DOK5: variants seen among roughly 807,000 people sequenced by gnomAD.
DOK5 encodes the protein docking protein 5, also known as downstream of tyrosine kinase 5.
A neutral mutation model predicts 43.3 loss-of-function variants in DOK5; 27 were observed. The observed-to-expected ratio is 0.62, with a 90% CI of 0.46 to 0.86. DOK5 has a LOEUF of 0.86. DOK5 is among the 40% of genes least tolerant of loss of function. DOK5 has a pLI of 0.00. For synonymous variants in DOK5, 146 were observed against 140.1 expected, an observed-to-expected ratio of 1.04 and a Z score of -0.30; for missense variants, 373 against 392.9, an observed-to-expected ratio of 0.95 and a Z score of 0.43.
At chr20:54,517,504 G>A (rs2146693219) in intron 1 of DOK5, among the ~76,000 whole-genome samples, 1 of 152,218 alleles carries the variant, frequency 6.6e-6, no homozygotes, top group East Asian at 1.9e-4. Flanking sequence ...GTGGCTTTGG[G>A]TGATTTGTTT....
At chr20:54,589,245 A>G (rs1297814478) in intron 4 of DOK5, among the ~76,000 whole-genome samples, 1 of 152,190 alleles carries the variant, frequency 6.6e-6, no homozygotes, top group African/African-American at 2.4e-5. Flanking sequence ...CGTTGGACCT[A>G]TATTACAGTT....
intron 2 of DOK5, among the ~76,000 whole-genome samples, chr20:54,583,414 C>T (rs1985699685): frequency 6.6e-6 from 1 of 152,120 alleles, no homozygotes; most frequent in African/African-American, 2.4e-5. Flanking sequence ...CAGTGTTGTT[C>T]AAGCACTCTG....
In DOK5 at chr20:54,571,233, T is replaced by G. The variant is rs553423726; in HGVS notation, c.174+16193T>G. On this transcript the variant is annotated intron_variant, in intron 2 of 7. Coordinates refer to ENST00000262593, the MANE Select transcript of DOK5 (RefSeq NM_018431.5). ...CTCCCTGCTTTTTTATTCCTCTTTA[T>G]TCTTACCTAGGTGAAAGTCCTAATT... Among the ~76,000 whole-genome samples, 7 of 152,364 alleles carry G rather than the reference T, an allele frequency of 4.6e-5. No individual in the cohort carries two copies. In the East Asian group the frequency reaches 9.6e-4, roughly 21 times the overall value.
chr20:54,553,957 AT>A (rs1450795927), intron 1 of DOK5, among the ~76,000 whole-genome samples: 1 of 149,418 alleles, frequency 6.7e-6, no homozygotes, highest in Non-Finnish European at 1.5e-5. Flanking sequence ...GTCTCATTTT[AT>A]TTTGCTTTTG....
At chr20:54,649,158 A>G (rs1266592255) in intron 7 of DOK5, among the ~76,000 whole-genome samples, 1 of 152,192 alleles carries the variant, frequency 6.6e-6, no homozygotes, top group Non-Finnish European at 1.5e-5. Flanking sequence ...GAGTGGGACT[A>G]TGGTCTCCAT....
intron 4 of DOK5, among the ~76,000 whole-genome samples, chr20:54,589,587 G>A (rs1030464110): frequency 6.6e-6 from 1 of 152,122 alleles, no homozygotes; most frequent in Non-Finnish European, 1.5e-5. Flanking sequence ...GCCTGGGGAC[G>A]GGGTAGATCA....
intron 5 of DOK5, among the ~76,000 whole-genome samples, chr20:54,604,922 C>A (rs113923922): frequency 0.051 from 7,781 of 151,604 alleles, 266 homozygotes; most frequent in Middle Eastern, 0.092. Flanking sequence ...ATTGCTTGAA[C>A]CTGGAAGGTG....
At chr20:54,562,552 G>A (rs912793564) in intron 2 of DOK5, among the ~76,000 whole-genome samples, 3 of 152,058 alleles carry the variant, frequency 2.0e-5, no homozygotes, top group Non-Finnish European at 4.4e-5. Flanking sequence ...CTGAGTTGCT[G>A]GAACTACAGG....
chr20:54,600,683 G>C (rs1323366369), intron 5 of DOK5, among the ~76,000 whole-genome samples: 4 of 152,064 alleles, frequency 2.6e-5, no homozygotes, highest in Non-Finnish European at 5.9e-5. Flanking sequence ...GATTTTACTG[G>C]GCTCCAGTAT....
intron 6 of DOK5, among the ~76,000 whole-genome samples, chr20:54,642,968 C>G (rs565621141): frequency 1.3e-5 from 2 of 152,280 alleles, no homozygotes; most frequent in Non-Finnish European, 1.5e-5. Flanking sequence ...AACAACTCCA[C>G]GAGAAATCAT....
At chr20:54,647,678 ACAGCAC>A (rs1200050763) in intron 7 of DOK5, among the ~76,000 whole-genome samples, 1 of 115,458 alleles carries the variant, frequency 8.7e-6, no homozygotes, top group African/African-American at 3.5e-5. Context: ...ACTCTGGTAG[ACAGCAC>A]CTTTCCCCTA....
intron 6 of DOK5, among the ~76,000 whole-genome samples, chr20:54,637,002 C>T (rs1354742340): frequency 2.6e-5 from 4 of 152,200 alleles, no homozygotes; most frequent in Non-Finnish European, 5.9e-5. Context: ...CATGTTGTAG[C>T]ACATATCAGA....
chr20:54,552,251 T>A (rs563321332), intron 1 of DOK5, among the ~76,000 whole-genome samples: 36 of 152,208 alleles, frequency 2.4e-4, no homozygotes, highest in Admixed American at 1.4e-3. Context: ...ATTTTTAGTA[T>A]AGTGGAGATC....
intron 1 of DOK5, among the ~76,000 whole-genome samples, chr20:54,531,272 G>A (rs763362083): frequency 3.3e-5 from 5 of 152,118 alleles, no homozygotes; most frequent in African/African-American, 4.8e-5. Flanking sequence ...TCTCACTCAG[G>A]TGAATCTTGA....
intron 6 of DOK5, among the ~76,000 whole-genome samples, chr20:54,632,304 T>C (rs931182698): frequency 6.6e-6 from 1 of 152,244 alleles, no homozygotes; most frequent in African/African-American, 2.4e-5. Flanking sequence ...CTTTTTGTCG[T>C]TGTTGCCTAA....
At chr20:54,496,590 A>G (rs1338048011) in intron 1 of DOK5, among the ~76,000 whole-genome samples, 6 of 151,862 alleles carry the variant, frequency 4.0e-5, no homozygotes, top group African/African-American at 1.5e-4. Context: ...ACACGGTGAA[A>G]CCCCGTCTCT....
chr20:54,537,057 C>T (rs1008193257), intron 1 of DOK5, among the ~76,000 whole-genome samples: 5 of 152,312 alleles, frequency 3.3e-5, no homozygotes, highest in Non-Finnish European at 7.3e-5. Flanking sequence ...TACTGCAGAA[C>T]CAGTGGAGGC....
intron 6 of DOK5, among the ~76,000 whole-genome samples, chr20:54,619,858 T>C (rs1422171670): frequency 6.6e-6 from 1 of 152,232 alleles, no homozygotes; most frequent in Non-Finnish European, 1.5e-5. Flanking sequence ...ATAGAAGGCA[T>C]CAAAGAAATC....
intron 1 of DOK5, among the ~76,000 whole-genome samples, chr20:54,517,646 G>A (rs1600675442): frequency 6.6e-6 from 1 of 152,184 alleles, no homozygotes; most frequent in African/African-American, 2.4e-5. Context: ...TGATGATAGT[G>A]TCTCTGCAGT....
Sources: allele counts gnomAD v4.1 joint callset (sites outside exome capture counted in the v4.1 genomes callset), GRCh38; gene constraint gnomAD v4.1.1; transcripts MANE v1.5; gene names NCBI Gene and HGNC (gene_info 2026-07-23, HGNC 2026-07-21).